DDX4: variants seen among roughly 807,000 people sequenced by gnomAD.
DDX4 encodes DEAD-box helicase 4, also known as probable ATP-dependent RNA helicase DDX4.
A neutral mutation model predicts 100.0 loss-of-function variants in DDX4; 25 were observed. That is an observed-to-expected ratio of 0.25 (90% CI 0.18 to 0.35). DDX4 has a LOEUF of 0.35. Ranked by LOEUF, DDX4 falls within the 10% of genes least tolerant of loss-of-function variation. DDX4 has a pLI of 1.00. For synonymous variants in DDX4, 259 were observed against 275.7 expected (o/e 0.94, Z 0.60); for missense variants, 635 against 882.4 (o/e 0.72, Z 3.55).
intron 14 of DDX4, 139 bp downstream of exon 14, chr5:55,786,809 G>T: frequency 1.5e-6 from 1 of 680,000 alleles, no homozygotes; most frequent in Non-Finnish European, 2.5e-6. Flanking sequence ...TTTTGCTTCT[G>T]ATTTTTATTA....
intron 3 of DDX4, among the ~76,000 whole-genome samples, chr5:55,746,840 G>A (rs1759272676): frequency 6.6e-6 from 1 of 152,286 alleles, no homozygotes; most frequent in East Asian, 1.9e-4. Flanking sequence ...ATGGGAAGAT[G>A]GGTGGAAGTG....
At chr5:55,814,827 G>T in intron 19 of DDX4, 74 bp from the exon 20 acceptor site, 3 of 1,495,912 alleles carry the variant, frequency 2.0e-6, no homozygotes, top group Non-Finnish European at 2.7e-6. Flanking sequence ...AAAGAAATTT[G>T]TATGTTGAAC....
At chr5:55,746,102 A>T (rs779693434) in intron 2 of DDX4, 62 bp from the exon 3 acceptor site, 187 of 1,296,958 alleles carry the variant, frequency 1.4e-4, no homozygotes, top group Non-Finnish European at 1.8e-4. Context: ...AGTATTTGTG[A>T]AATAAATGAC....
Position 55,793,067 on chromosome 5 carries a change from GTTGT to G in DDX4, c.1469+262_1469+265del, listed in dbSNP as rs1292106721. ...GTGTGTGTGTGTGTTTGTGTGTGTTGTTGTTGTTGTTGCATAGAATCCAGCTAGG... is the reference window on the plus strand; with the variant it reads ...GTGTGTGTGTGTGTTTGTGTGTGTTGTGTTGTTGCATAGAATCCAGCTAGG... On this transcript the variant is annotated intron_variant, in intron 17 of 21. Transcript: ENST00000505374. Among the ~76,000 whole-genome samples, 103 of 146,998 alleles carry G rather than the reference GTTGT, an allele frequency of 7.0e-4. 1 individual carries two copies. Among genetic ancestry groups the G allele is most frequent in the East Asian group, 3.2e-3 (16 of 5,016 alleles).
At position 55,808,061 on chromosome 5, in the gene DDX4, A is replaced by G. The variant is rs188661798; in HGVS notation, c.1616-5612A>G. Among the ~76,000 whole-genome samples, 495 of 152,112 alleles carry G rather than the reference A, an allele frequency of 3.3e-3. 4 individuals carry two copies. Among genetic ancestry groups the G allele is most frequent in the African/African-American group, 0.012 (482 of 41,494 alleles). Reference sequence around the variant, plus strand: ...GAAACTTCTCTTCACATTTCATTTCATTCATTTCATCTTCCATCAGTGATA... The same window carrying G: ...GAAACTTCTCTTCACATTTCATTTCGTTCATTTCATCTTCCATCAGTGATA... On this transcript the variant is annotated intron_variant, in intron 18 of 21. Transcript: ENST00000505374.
intron 3 of DDX4, among the ~76,000 whole-genome samples, chr5:55,757,983 C>T (rs534882550): frequency 1.3e-5 from 2 of 152,214 alleles, no homozygotes; most frequent in African/African-American, 2.4e-5. Context: ...GGTCAGAGGT[C>T]GCAGTGAGCG....
chr5:55,746,156 T>C lies in DDX4; in HGVS notation c.70-8T>C. 6.2e-7 allele frequency: 1 copy of C among 1,601,416 alleles called. No homozygotes were observed. Among genetic ancestry groups the C allele is most frequent in the Non-Finnish European group, 8.5e-7 (1 of 1,176,082 alleles). On this transcript the variant is annotated splice_polypyrimidine_tract_variant and splice_region_variant and intron_variant, in intron 2 of 21. Coordinates refer to ENST00000505374, the MANE Select transcript of DDX4 (RefSeq NM_024415.3). Reference sequence around the variant, plus strand: ...GGAAACTAGTTTTTTCTTTCTTCTTTCTCACAGGATAGGTATTCTGGAGAA... The same window carrying C: ...GGAAACTAGTTTTTTCTTTCTTCTTCCTCACAGGATAGGTATTCTGGAGAA...
At chr5:55,761,901 C>T (rs965922250) in intron 4 of DDX4, among the ~76,000 whole-genome samples, 1 of 152,090 alleles carries the variant, frequency 6.6e-6, no homozygotes, top group African/African-American at 2.4e-5. Context: ...TGAGCCACCA[C>T]GCCTGGACTG....
chr5:55,782,914 G>T (rs1742013066), intron 10 of DDX4, among the ~76,000 whole-genome samples: 1 of 150,428 alleles, frequency 6.6e-6, no homozygotes. Flanking sequence ...TCCTGCCTCA[G>T]CCTCCCTAGC....
intron 7 of DDX4, 29 bp from the exon 8 acceptor site, chr5:55,779,935 T>G (rs375128332): frequency 4.1e-5 from 65 of 1,600,940 alleles, no homozygotes; most frequent in East Asian, 1.1e-4. Context: ...TTGTTTTGTG[T>G]TGTTCTTGTG....
intron 14 of DDX4, among the ~76,000 whole-genome samples, chr5:55,787,570 G>A (rs1302853605): frequency 6.6e-6 from 1 of 152,138 alleles, no homozygotes; most frequent in Non-Finnish European, 1.5e-5. Flanking sequence ...TGCTAATGTT[G>A]TTGATCTGTT....
chr5:55,812,933 G>T (rs1744199221), intron 18 of DDX4, among the ~76,000 whole-genome samples: 1 of 151,522 alleles, frequency 6.6e-6, no homozygotes, highest in Admixed American at 6.6e-5. Flanking sequence ...AATGAATGAA[G>T]TGAGATTACA....
intron 15 of DDX4, among the ~76,000 whole-genome samples, chr5:55,789,468 A>T (rs1351102625): frequency 2.6e-5 from 4 of 152,244 alleles, no homozygotes; most frequent in African/African-American, 9.6e-5. Flanking sequence ...ATAGGGATGC[A>T]TGATTAAATG....
At chr5:55,782,009 G>T in intron 10 of DDX4, 28 bp downstream of exon 10, 1 of 1,612,766 alleles carries the variant, frequency 6.2e-7, no homozygotes, top group South Asian at 1.1e-5. Flanking sequence ...TTACCCGAAA[G>T]AAGTTAAAAT....
intron 16 of DDX4, among the ~76,000 whole-genome samples, chr5:55,791,481 TTTA>T (rs2112051880): frequency 6.6e-6 from 1 of 152,290 alleles, no homozygotes; most frequent in East Asian, 1.9e-4. Flanking sequence ...TGTTCTTCTG[TTTA>T]TAGTAAAAGA....
intron 7 of DDX4, among the ~76,000 whole-genome samples, chr5:55,772,635 G>A (rs1741321133): frequency 6.6e-6 from 1 of 152,162 alleles, no homozygotes; most frequent in African/African-American, 2.4e-5. Flanking sequence ...GATCTCTCAT[G>A]AATAGACCTG....
intron 7 of DDX4, among the ~76,000 whole-genome samples, chr5:55,770,878 T>C (rs1221175112): frequency 1.3e-5 from 2 of 152,244 alleles, no homozygotes; most frequent in Non-Finnish European, 2.9e-5. Flanking sequence ...ATTTGAAATT[T>C]TTTTCTTCAG....
chr5:55,782,051 C>T, intron 10 of DDX4, 70 bp downstream of exon 10: 1 of 1,555,206 alleles, frequency 6.4e-7, no homozygotes, highest in South Asian at 1.1e-5. Flanking sequence ...TTTTTCTGTA[C>T]TTCACTGGTT....
At position 55,790,682 on chromosome 5, in the gene DDX4, A is replaced by G; in HGVS notation, c.1279A>G (p.Met427Val). ...NILCATPGRL[M>V]DIIGKEKIGL... Reference sequence around the variant, plus strand: ...ATTATGTGCTACTCCTGGAAGACTGATGGATATCATAGGCAAAGAAAAGGT... The same window carrying G: ...ATTATGTGCTACTCCTGGAAGACTGGTGGATATCATAGGCAAAGAAAAGGT... The change falls in exon 16 of 22, where the codon ATG becomes GTG. Residue 427 changes from methionine to valine, a missense_variant. By Grantham distance (21) the Met-to-Val change is conservative. This residue lies in a region of DDX4 where 446 missense variants were observed against 540.8 expected (regional missense o/e 0.82). Coordinates refer to ENST00000505374, the MANE Select transcript of DDX4 (RefSeq NM_024415.3). 2 of 1,611,868 alleles carry G rather than the reference A, an allele frequency of 1.2e-6. No homozygotes were observed. Among genetic ancestry groups the G allele is most frequent in the Non-Finnish European group, 1.7e-6 (2 of 1,178,242 alleles).
Sources: gnomAD v4.1 joint callset for allele counts (sites outside exome capture counted in the v4.1 genomes callset) on GRCh38, gnomAD v4.1.1 for gene constraint, gnomAD v4.1.1 regional missense constraint, MANE v1.5 for transcripts, NCBI Gene and HGNC (gene_info 2026-07-23, HGNC 2026-07-21) for gene names.